The following PMEPA1 variants were observed in gnomAD, a reference collection of about 807,000 sequenced individuals.
The protein encoded by PMEPA1 is prostate transmembrane protein, androgen induced 1, also known as protein TMEPAI.
In PMEPA1, 11 loss-of-function variants were observed where a neutral mutation model predicts 23.0. That is an observed-to-expected ratio of 0.48 (90% CI 0.30 to 0.79). The LOEUF (loss-of-function observed/expected upper bound fraction) is 0.79. Ranked by LOEUF, PMEPA1 falls within the 30% of genes least tolerant of loss-of-function variation. PMEPA1 has a pLI of 0.06. For missense variants in PMEPA1, 377 were observed against 390.9 expected, an observed-to-expected ratio of 0.96 and a Z score of 0.30; for synonymous variants, 204 against 166.4, an observed-to-expected ratio of 1.23 and a Z score of -1.74.
chr20:57,690,560 G>A (rs778947223), intron 1 of PMEPA1: 169 of 1,275,780 alleles, frequency 1.3e-4, no homozygotes, highest in Middle Eastern at 2.7e-4. Flanking sequence ...AGCAGGAGGC[G>A]GGGTCTCCAT....
chr20:57,678,531 G>A (rs1262546672), intron 1 of PMEPA1, among the ~76,000 whole-genome samples: 1 of 152,186 alleles, frequency 6.6e-6, no homozygotes, highest in Non-Finnish European at 1.5e-5. Context: ...GAGGGTAAGA[G>A]CCGAAACAGA....
At chr20:57,684,854 C>T (rs1161797826) in intron 1 of PMEPA1, among the ~76,000 whole-genome samples, 1 of 148,570 alleles carries the variant, frequency 6.7e-6, no homozygotes, top group Admixed American at 6.6e-5. Context: ...TGGGGAGGAG[C>T]TGGGAGGGGG....
At chr20:57,678,199 G>A (rs2071664942) in intron 1 of PMEPA1, among the ~76,000 whole-genome samples, 1 of 152,164 alleles carries the variant, frequency 6.6e-6, no homozygotes, top group Non-Finnish European at 1.5e-5. Context: ...TGTAAAACTG[G>A]GGAAAGGTAA....
chr20:57,653,025 G>T lies in PMEPA1; in HGVS notation c.318+8C>A. 6.3e-7 allele frequency: 1 copy of T among 1,592,968 alleles called. No individual in the cohort carries two copies. The highest frequency in any genetic ancestry group is 8.6e-7 in the Non-Finnish European group (1 of 1,169,248). On this transcript the variant is annotated splice_region_variant and intron_variant, in intron 3 of 3. Transcript: ENST00000341744. Reference sequence around the variant, plus strand: ...GGGTGTTGGAGGGGAGGCCGAGGGAGGTCTCACCTCTGGGATTCCGTTGCC... The same window carrying T: ...GGGTGTTGGAGGGGAGGCCGAGGGATGTCTCACCTCTGGGATTCCGTTGCC...
At chr20:57,710,434 G>T, upstream of PMEPA1, 1 of 1,599,972 alleles carries the variant, frequency 6.3e-7, no homozygotes, top group East Asian at 2.3e-5. Flanking sequence ...TGGAGAAAGG[G>T]GGAGGAAGCC....
At position 57,704,783 on chromosome 20, in the gene PMEPA1, C is replaced by T. The variant is rs959175486; in HGVS notation, c.109+4691G>A. Among the ~76,000 whole-genome samples, 1 of 152,196 alleles carries T rather than the reference C, an allele frequency of 6.6e-6. No homozygotes were observed. The highest frequency in any genetic ancestry group is 1.5e-5 in the Non-Finnish European group (1 of 68,026). ...TGGGAGTGGAGATGGTGGGGGCAGG[C>T]ATGTGGGCACACCTGACCCCGTGGC... On this transcript the variant is annotated intron_variant, in intron 1 of 3. Transcript: ENST00000341744. This position sits in a 1 kb window ranked among gnomAD's most constrained non-coding sequence, Gnocchi z 4.6.
intron 1 of PMEPA1, among the ~76,000 whole-genome samples, chr20:57,688,684 C>A (rs1438217808): frequency 2.6e-5 from 4 of 152,242 alleles, no homozygotes; most frequent in African/African-American, 9.6e-5. Context: ...CTCACATTCC[C>A]ATTTGACAGA....
intron 1 of PMEPA1, among the ~76,000 whole-genome samples, chr20:57,666,465 G>A (rs1014400306): frequency 3.3e-5 from 5 of 152,138 alleles, no homozygotes; most frequent in East Asian, 1.9e-4. Flanking sequence ...TGAGGCGACC[G>A]CCAAAGACCG....
chr20:57,658,045 C>T (rs954459269), intron 2 of PMEPA1, among the ~76,000 whole-genome samples: 1 of 152,222 alleles, frequency 6.6e-6, no homozygotes, highest in African/African-American at 2.4e-5. Flanking sequence ...AACTCTGTGC[C>T]GCCCTTTGGT....
chr20:57,699,880 C>T, intron 1 of PMEPA1: 1 of 383,224 alleles, frequency 2.6e-6, no homozygotes, highest in Non-Finnish European at 5.3e-6. Context: ...CAACAAGGGA[C>T]CTCAGAGAAG....
At chr20:57,685,527 A>T (rs576415738) in intron 1 of PMEPA1, among the ~76,000 whole-genome samples, 4 of 152,192 alleles carry the variant, frequency 2.6e-5, no homozygotes, top group African/African-American at 7.2e-5. Context: ...TCTCGGCCTA[A>T]AACGATTTGT....
In PMEPA1 at chr20:57,649,979, T is replaced by A. The variant is rs1474895111; in HGVS notation, c.*2074A>T. ...TACCTTTCGGGATAACCTGTACTGA[T>A]TTCTCTGCAGGACCTTTTCAAAGAA... On this transcript the variant is annotated 3_prime_UTR_variant, in exon 4 of 4. Transcript: ENST00000341744. The A allele has an allele frequency of 6.5e-6, 1 of 152,672 alleles. No homozygotes were observed. Among genetic ancestry groups the A allele is most frequent in the Non-Finnish European group, 1.5e-5 (1 of 68,032 alleles). 9.5% of individuals were successfully genotyped at this position (152,672 alleles called of 1,614,324 possible).
rs982267567 is a variant in PMEPA1, at chr20:57,709,742, G to A, written c.-160C>T. 4.1e-6 allele frequency: 4 copies of A among 979,564 alleles called. No individual in the cohort carries two copies. Among genetic ancestry groups the A allele is most frequent in the African/African-American group, 1.8e-5 (1 of 56,454 alleles). The allele number at this position is 979,564 out of a possible 1,614,324, so 60.7% of individuals were successfully genotyped here. On this transcript the variant is annotated 5_prime_UTR_variant, in exon 1 of 4. Transcript: ENST00000341744. ...CGGGTCGCCGCCAAGTTCCCGGGGC[G>A]CCGCGGGGCTCAGTGCGCGGGACCG...
chr20:57,702,609 G>A (rs537808161), intron 1 of PMEPA1, among the ~76,000 whole-genome samples: 8 of 152,220 alleles, frequency 5.3e-5, no homozygotes, highest in East Asian at 3.9e-4. Flanking sequence ...TCAGGAGGTC[G>A]GTGTAGTGGA....
chr20:57,652,577 G>T lies in PMEPA1; in HGVS notation c.340C>A (p.Arg114=). The T allele has an allele frequency of 1.3e-6, 2 of 1,503,154 alleles. No homozygotes were observed. The highest frequency in any genetic ancestry group is 8.9e-7 in the Non-Finnish European group (1 of 1,126,420). The allele number at this position is 1,503,154 out of a possible 1,614,324, so 93.1% of individuals were successfully genotyped here. A position where few individuals can be genotyped will look rare whatever the true frequency, so the allele number is the denominator to read the frequency against. Reference sequence around the variant, plus strand: ...GGCACGGCCAGGCGGTCGGTGGGCCGAGGCGGGGCGTAGACCTGCGGCTGG... The same window carrying T: ...GGCACGGCCAGGCGGTCGGTGGGCCTAGGCGGGGCGTAGACCTGCGGCTGG... ...IPEPQVYAPP[R]PTDRLAVPPF... Residue 114 remains arginine (R), a synonymous_variant, in exon 4 of 4, where the codon CGG becomes AGG. Transcript: ENST00000341744. The surrounding 1 kb of genome is among the most constrained non-coding windows in gnomAD (Gnocchi z 6.1).
intron 1 of PMEPA1, among the ~76,000 whole-genome samples, chr20:57,708,588 C>T (rs2072119689): frequency 6.6e-6 from 1 of 152,164 alleles, no homozygotes; most frequent in South Asian, 2.1e-4. Flanking sequence ...ACAAACAGCC[C>T]CAAACTTTGA....
Position 57,652,714 on chromosome 20 carries a change from G to T in PMEPA1, c.319-116C>A. ...ACTTGGCTCTCTGGGGAAAGGGAGA[G>T]GGCAGCAGGGCTGGCGGGGGCGGGA... On this transcript the variant is annotated intron_variant, in intron 3 of 3. Coordinates refer to ENST00000341744, the MANE Select transcript of PMEPA1 (RefSeq NM_020182.5). This position sits in a 1 kb window ranked among gnomAD's most constrained non-coding sequence, Gnocchi z 6.1. 1.0e-6 allele frequency: 1 copy of T among 978,054 alleles called. No individual in the cohort carries two copies. Among genetic ancestry groups the T allele is most frequent in the Non-Finnish European group, 1.5e-6 (1 of 682,072 alleles). 60.6% of individuals were successfully genotyped at this position (978,054 alleles called of 1,614,324 possible).
At chr20:57,662,650 C>T (rs2071437584) in intron 1 of PMEPA1, among the ~76,000 whole-genome samples, 1 of 152,204 alleles carries the variant, frequency 6.6e-6, no homozygotes, top group African/African-American at 2.4e-5. Context: ...TCTGTTAGCA[C>T]TCAGGATAAA....
chr20:57,709,865 C>T lies in PMEPA1; in HGVS notation c.-283G>A, dbSNP rs2072146921. Reference sequence around the variant, plus strand: ...GAAAATGGGCTGGCAGCGGGGCGCGCGCTGCCGCCGGGGCTGAGCCTCTGC... The same window carrying T: ...GAAAATGGGCTGGCAGCGGGGCGCGTGCTGCCGCCGGGGCTGAGCCTCTGC... On this transcript the variant is annotated 5_prime_UTR_variant, in exon 1 of 4. Transcript: ENST00000341744. 1.0e-6 allele frequency: 1 copy of T among 992,368 alleles called. No individual in the cohort carries two copies. Among genetic ancestry groups the T allele is most frequent in the Non-Finnish European group, 1.2e-6 (1 of 835,874 alleles). 61.5% of individuals were successfully genotyped at this position (992,368 alleles called of 1,614,324 possible). A position where few individuals can be genotyped will look rare whatever the true frequency, so the allele number is the denominator to read the frequency against.
Sources: gnomAD v4.1 joint callset for allele counts (sites outside exome capture counted in the v4.1 genomes callset) on GRCh38, gnomAD v4.1.1 for gene constraint, Gnocchi (gnomAD v3.1) non-coding constraint, MANE v1.5 for transcripts, NCBI Gene and HGNC (gene_info 2026-07-23, HGNC 2026-07-21) for gene names.